The following ZSCAN32 variants were observed in gnomAD, a reference collection of about 807,000 sequenced individuals.
ZSCAN32 encodes the protein zinc finger and SCAN domain containing 32, also known as zinc finger and SCAN domain-containing protein 32.
A neutral mutation model predicts 47.4 loss-of-function variants in ZSCAN32; 52 were observed. The observed-to-expected ratio is 1.10, with a 90% confidence interval of 0.88 to 1.38. ZSCAN32 has a LOEUF of 1.38. Among genes scored for constraint, ZSCAN32 ranks in the 40% most tolerant of loss-of-function variants. The pLI is 0.00. For missense variants in ZSCAN32, 959 were observed against 846.0 expected (o/e 1.13, Z -1.66); for synonymous variants, 346 against 305.7 (o/e 1.13, Z -1.38).
intron 1 of ZSCAN32, among the ~76,000 whole-genome samples, chr16:3,400,573 G>C (rs1158926045): frequency 6.6e-6 from 1 of 152,204 alleles, no homozygotes; most frequent in Non-Finnish European, 1.5e-5. Context: ...GCATGAGGAT[G>C]GGGAGCCAGG....
At position 3,396,758 on chromosome 16, in the gene ZSCAN32, G is replaced by A. The variant is rs911120869; in HGVS notation, c.366+434C>T. ...TGTCCCAAACTGAACACTTAATCCC[G>A]GCATCAAGAACTAGAGCAAGGCCTG... On this transcript the variant is annotated intron_variant, in intron 2 of 6. Coordinates refer to ENST00000396852, the MANE Select transcript of ZSCAN32 (RefSeq NM_001284527.2). Among the ~76,000 whole-genome samples the A allele has an allele frequency of 3.3e-5, 5 of 152,162 alleles. No homozygotes were observed. The East Asian group carries it at 7.7e-4, about 23-fold the overall frequency.
rs191481588 is a variant in ZSCAN32, at chr16:3,400,629, C to T, written c.-188+316G>A. On this transcript the variant is annotated intron_variant, in intron 1 of 6. Coordinates refer to ENST00000396852, the MANE Select transcript of ZSCAN32 (RefSeq NM_001284527.2). ...TTAACTATTTATTGAGTACTCAGAACGCACTCGGTGCCAGGGCTAGGCACT... is the reference window on the plus strand; with the variant it reads ...TTAACTATTTATTGAGTACTCAGAATGCACTCGGTGCCAGGGCTAGGCACT... 3.7e-3 allele frequency among the ~76,000 whole-genome samples: 560 copies of T among 152,318 alleles called. 4 individuals carry two copies. Among genetic ancestry groups the T allele is most frequent in the Non-Finnish European group, 6.3e-3 (426 of 68,034 alleles).
intron 5 of ZSCAN32, 111 bp from the exon 6 acceptor site, chr16:3,385,052 C>T (rs941744191): frequency 1.1e-4 from 140 of 1,289,474 alleles, no homozygotes; most frequent in Non-Finnish European, 1.3e-4. Flanking sequence ...AGGCTGGATG[C>T]GGTGGCTCAC....
rs1232026931 is a variant in ZSCAN32, at chr16:3,383,850, C to G, written c.1235-139G>C. The stretch of plus-strand genomic sequence containing the variant: ...GATTAAGTCTCCTGCTAATTAATAG[C>G]TTTTTATTTTCTCATTGTAATATTT... On this transcript the variant is annotated intron_variant, in intron 6 of 6. Coordinates refer to ENST00000396852, the MANE Select transcript of ZSCAN32 (RefSeq NM_001284527.2). The G allele has an allele frequency of 1.8e-5, 17 of 955,456 alleles. 1 individual carries two copies. Among genetic ancestry groups the G allele is most frequent in the East Asian group, 8.6e-5 (3 of 34,946 alleles). 59.2% of individuals were successfully genotyped at this position (955,456 alleles called of 1,614,324 possible).
chr16:3,386,314 G>C (rs1332871406), intron 5 of ZSCAN32, among the ~76,000 whole-genome samples: 1 of 152,188 alleles, frequency 6.6e-6, no homozygotes, highest in African/African-American at 2.4e-5. Context: ...AGGATGTGGA[G>C]AAATAGGAAC....
chr16:3,398,119 G>A (rs955817437), intron 1 of ZSCAN32, among the ~76,000 whole-genome samples: 2 of 152,150 alleles, frequency 1.3e-5, no homozygotes, highest in East Asian at 1.9e-4. Context: ...AGGTTAGGAG[G>A]ATGAGAGGGG....
intron 2 of ZSCAN32, among the ~76,000 whole-genome samples, chr16:3,395,040 C>T (rs945138677): frequency 6.6e-6 from 1 of 152,178 alleles, no homozygotes; most frequent in African/African-American, 2.4e-5. Flanking sequence ...TGTCTGTTTC[C>T]CCCATGGACC....
In ZSCAN32 at chr16:3,383,127, A is replaced by G. The variant is rs762995642; in HGVS notation, c.1819T>C (p.Cys607Arg). The change falls in exon 7 of 7, where the codon TGC becomes CGC. Residue 607 changes from cysteine (C) to arginine (R), a missense_variant. Cys to Arg is a radical substitution (Grantham distance 180, BLOSUM62 -3). Coordinates refer to ENST00000396852, the MANE Select transcript of ZSCAN32 (RefSeq NM_001284527.2). ...TTGAATCTCTTTCCACAGACAATGC[A>G]CTGGTAAGGCTTTTCCCCGGTATGG... ...RTHTGEKPYQ[C>R]IVCGKRFNNS... 13 of 1,614,146 alleles carry G rather than the reference A, an allele frequency of 8.1e-6. No individual in the cohort carries two copies. The highest frequency in any genetic ancestry group is 1.1e-5 in the Non-Finnish European group (13 of 1,180,028).
chr16:3,397,409 C>G lies in ZSCAN32; in HGVS notation c.149G>C (p.Gly50Ala), dbSNP rs941185294. The change falls in exon 2 of 7, where the codon GGC (glycine) becomes GCC (alanine). Residue 50 changes from glycine (G) to alanine (A), a missense_variant. Physicochemically the swap from Gly to Ala is moderately conservative, Grantham distance 60. Coordinates refer to ENST00000396852, the MANE Select transcript of ZSCAN32 (RefSeq NM_001284527.2). Reference protein sequence around the residue: ...FRQFCYQEVTGPHEAFSKLWE... With the variant: ...FRQFCYQEVTAPHEAFSKLWE... ...GAGTTTGCTAAAAGCTTCATGTGGG[C>G]CAGTTACCTCCTGGTAGCAAAACTG... 1 of 1,552,472 alleles carries G rather than the reference C, an allele frequency of 6.4e-7. No individual in the cohort carries two copies. Among genetic ancestry groups the G allele is most frequent in the Non-Finnish European group, 8.7e-7 (1 of 1,148,200 alleles).
rs1382564026 is a variant in ZSCAN32, at chr16:3,384,677, G to A, written c.1016C>T (p.Ser339Leu). Residue 339 changes from serine (S) to leucine (L), a missense_variant, in exon 6 of 7, where the codon TCA becomes TTA. Ser to Leu is a moderately radical substitution (Grantham distance 145). Coordinates refer to ENST00000396852, the MANE Select transcript of ZSCAN32 (RefSeq NM_001284527.2). ...CIFYEEMNAL[S>L]GSWASAPPMA... ...AGGAGGTGCAGAGGCCCAGGAGCCT[G>A]AAAGAGCATTCATTTCCTCATAAAA... 3.1e-6 allele frequency: 5 copies of A among 1,614,076 alleles called. No individual in the cohort carries two copies. Among genetic ancestry groups the A allele is most frequent in the Non-Finnish European group, 3.4e-6 (4 of 1,180,040 alleles).
chr16:3,393,611 C>G, intron 3 of ZSCAN32, 38 bp downstream of exon 3: 1 of 1,489,316 alleles, frequency 6.7e-7, no homozygotes, highest in Non-Finnish European at 9.0e-7. Flanking sequence ...ATGATTGTTC[C>G]TCACCTGCCT....
chr16:3,392,473 A>G (rs1461178252), intron 3 of ZSCAN32, among the ~76,000 whole-genome samples: 1 of 150,832 alleles, frequency 6.6e-6, no homozygotes, highest in East Asian at 1.9e-4. Flanking sequence ...TCAGCCTCCC[A>G]AAGTGCTGAG....
At chr16:3,396,787 C>T (rs2033405091) in intron 2 of ZSCAN32, among the ~76,000 whole-genome samples, 1 of 152,138 alleles carries the variant, frequency 6.6e-6, no homozygotes, top group African/African-American at 2.4e-5. Context: ...AGGCCTGGCT[C>T]TAATATAATT....
rs771034917 is a variant in ZSCAN32 at position 3,383,128 on chromosome 16, C to A, written c.1818G>T (p.Gln606His). 8.1e-6 allele frequency: 13 copies of A among 1,614,186 alleles called. No individual in the cohort carries two copies. The highest frequency in any genetic ancestry group is 1.1e-5 in the Non-Finnish European group (13 of 1,180,036). ...TGAATCTCTTTCCACAGACAATGCA[C>A]TGGTAAGGCTTTTCCCCGGTATGGG... ...QRTHTGEKPY[Q>H]CIVCGKRFNN... Residue 606 changes from glutamine (Q) to histidine (H), a missense_variant, in exon 7 of 7, where the codon CAG (glutamine) becomes CAT (histidine). Coordinates refer to ENST00000396852, the MANE Select transcript of ZSCAN32 (RefSeq NM_001284527.2).
intron 3 of ZSCAN32, among the ~76,000 whole-genome samples, chr16:3,391,894 G>A (rs998580261): frequency 3.3e-5 from 5 of 150,888 alleles, no homozygotes; most frequent in African/African-American, 1.2e-4. Context: ...TGCCACCACT[G>A]CACTCCAGCC....
intron 1 of ZSCAN32, 33 bp from the exon 2 acceptor site, chr16:3,397,777 A>G (rs1285927189): frequency 4.1e-6 from 2 of 488,272 alleles, no homozygotes; most frequent in Non-Finnish European, 7.1e-6. Flanking sequence ...ATATAAACCT[A>G]TCAAACATTC....
At position 3,390,150 on chromosome 16, in the gene ZSCAN32, G is replaced by A. The variant is rs1275626218; in HGVS notation, c.628-17C>T. 2.5e-6 allele frequency: 4 copies of A among 1,592,734 alleles called. No homozygotes were observed. Among genetic ancestry groups the A allele is most frequent in the Non-Finnish European group, 3.4e-6 (4 of 1,169,180 alleles). On this transcript the variant is annotated splice_polypyrimidine_tract_variant and intron_variant, in intron 4 of 6. Coordinates refer to ENST00000396852, the MANE Select transcript of ZSCAN32 (RefSeq NM_001284527.2). ...GGCTGGTCCCTGTAACAACACTGGA[G>A]CTGCTGCTACCGATAAAATAGCACC...
At chr16:3,398,633 C>T (rs2033599575) in intron 1 of ZSCAN32, among the ~76,000 whole-genome samples, 2 of 152,166 alleles carry the variant, frequency 1.3e-5, no homozygotes, top group Non-Finnish European at 1.5e-5. Flanking sequence ...TGTCTGCTGA[C>T]GAATTACTCA....
At chr16:3,395,841 A>G (rs2033320013) in intron 2 of ZSCAN32, among the ~76,000 whole-genome samples, 1 of 152,086 alleles carries the variant, frequency 6.6e-6, no homozygotes, top group Non-Finnish European at 1.5e-5. Flanking sequence ...TGTAATAAAA[A>G]ACAAAAATTA....
Sources: allele counts gnomAD v4.1 joint callset (sites outside exome capture counted in the v4.1 genomes callset), GRCh38; gene constraint gnomAD v4.1.1; transcripts MANE v1.5; gene names NCBI Gene and HGNC (gene_info 2026-07-23, HGNC 2026-07-21).